Variants in CDC42BPB observed in about 807,000 individuals in gnomAD.
CDC42BPB encodes the protein CDC42 binding protein kinase beta.
In CDC42BPB, 37 loss-of-function variants were observed where a neutral mutation model predicts 214.9. That is an observed-to-expected ratio of 0.17 (90% CI 0.13 to 0.23). The LOEUF is 0.23. Ranked by LOEUF, CDC42BPB falls within the 10% of genes least tolerant of loss-of-function variation. The pLI is 1.00. For missense variants in CDC42BPB, 1,694 were observed against 2,227.0 expected (o/e 0.76, Z 4.82); for synonymous variants, 931 against 884.0 (o/e 1.05, Z -0.94).
At chr14:102,994,430 A>G (rs1287544622) in intron 5 of CDC42BPB, among the ~76,000 whole-genome samples, 1 of 152,058 alleles carries the variant, frequency 6.6e-6, no homozygotes, top group East Asian at 1.9e-4. Flanking sequence ...ACAGAAGAGC[A>G]CTGGAGGTTC....
chr14:102,932,403 C>T lies in CDC42BPB; in HGVS notation c.*1309G>A, dbSNP rs1225643202. ...GGAACTTTAAAACTGCCGTCTTCTGCTTTATTGACAGGTAAATTGTTCAAA... is the reference window on the plus strand; with the variant it reads ...GGAACTTTAAAACTGCCGTCTTCTGTTTTATTGACAGGTAAATTGTTCAAA... On this transcript the variant is annotated 3_prime_UTR_variant, in exon 37 of 37. Transcript: ENST00000361246. 1 of 152,304 alleles carries T rather than the reference C, an allele frequency of 6.6e-6. No individual in the cohort carries two copies. The highest frequency in any genetic ancestry group is 1.5e-5 in the Non-Finnish European group (1 of 68,038). The allele number at this position is 152,304 out of a possible 1,614,324, so 9.4% of individuals were successfully genotyped here. A position where few individuals can be genotyped will look rare whatever the true frequency, so the allele number is the denominator to read the frequency against.
intron 6 of CDC42BPB, among the ~76,000 whole-genome samples, chr14:102,984,249 G>T (rs192644865): frequency 6.6e-6 from 1 of 152,100 alleles, no homozygotes; most frequent in African/African-American, 2.4e-5. Context: ...GTGATGCAGG[G>T]GCCACATGTG....
In CDC42BPB at chr14:103,056,983, G is replaced by A; in HGVS notation, c.175+16C>T. On this transcript the variant is annotated intron_variant, in intron 1 of 36. Transcript: ENST00000361246. ...GTCGCAGAGCCGCAGGTCCGGCCCT[G>A]CCGGCGCGCACTTACCCCACTCGAG... 1 of 1,398,286 alleles carries A rather than the reference G, an allele frequency of 7.2e-7. No homozygotes were observed. Among genetic ancestry groups the A allele is most frequent in the Non-Finnish European group, 9.3e-7 (1 of 1,071,776 alleles). The allele number at this position is 1,398,286 out of a possible 1,614,324, so 86.6% of individuals were successfully genotyped here. A position where few individuals can be genotyped will look rare whatever the true frequency, so the allele number is the denominator to read the frequency against.
intron 18 of CDC42BPB, among the ~76,000 whole-genome samples, chr14:102,965,695 G>A (rs1893170150): frequency 6.6e-6 from 1 of 152,250 alleles, no homozygotes; most frequent in Non-Finnish European, 1.5e-5. Flanking sequence ...GGGGGCTCAT[G>A]CCTGTAATCC....
At chr14:102,970,808 TAC>T (rs1226740717) in intron 13 of CDC42BPB, among the ~76,000 whole-genome samples, 2 of 152,148 alleles carry the variant, frequency 1.3e-5, no homozygotes, top group African/African-American at 4.8e-5. Context: ...TGCCTGTAAC[TAC>T]AAATATATTT....
chr14:102,937,507 C>T (rs771530766), intron 36 of CDC42BPB, among the ~76,000 whole-genome samples: 1 of 152,228 alleles, frequency 6.6e-6, no homozygotes, highest in Non-Finnish European at 1.5e-5. Flanking sequence ...TGCATCCCTC[C>T]CTCCCTCCCT....
Position 102,964,513 on chromosome 14 carries a change from G to C in CDC42BPB, c.2715C>G (p.Leu905=), listed in dbSNP as rs1378255024. 1 of 1,613,548 alleles carries C rather than the reference G, an allele frequency of 6.2e-7. No individual in the cohort carries two copies. Among genetic ancestry groups the C allele is most frequent in the Non-Finnish European group, 8.5e-7 (1 of 1,179,980 alleles). ...EELRKVKDAN[L]TLESKLKDSE... The stretch of plus-strand genomic sequence containing the variant: ...CTGGCACCAAGTACCTTTCCAAGGT[G>C]AGGTTGGCGTCCTTGACCTTCCTGA... The change falls in exon 19 of 37, where the codon CTC becomes CTG. Residue 905 remains leucine (L), a synonymous_variant. Transcript: ENST00000361246.
At chr14:103,009,287 G>A (rs984599684) in intron 2 of CDC42BPB, among the ~76,000 whole-genome samples, 3 of 152,210 alleles carry the variant, frequency 2.0e-5, no homozygotes, top group Non-Finnish European at 2.9e-5. Context: ...CAGTCACATC[G>A]TAGAGTCACT....
chr14:102,934,363 T>C (rs1188435234), intron 36 of CDC42BPB, among the ~76,000 whole-genome samples: 4 of 151,964 alleles, frequency 2.6e-5, no homozygotes, highest in East Asian at 1.9e-4. Context: ...TGAAACCCCG[T>C]CTCTACTAAA....
chr14:102,983,241 A>T (rs1190169135), intron 7 of CDC42BPB, among the ~76,000 whole-genome samples: 1 of 152,142 alleles, frequency 6.6e-6, no homozygotes, highest in Non-Finnish European at 1.5e-5. Context: ...GCGTCTGTCT[A>T]CAGAAACCTG....
At position 102,975,809 on chromosome 14, in the gene CDC42BPB, GGAT is replaced by G; in HGVS notation, c.1388-9_1388-7del. ...CTGCACGGTCTGGGTGGACTCTGAG[GGAT>G]GGAGAGACAGCGTGAGGTGCAGCCT... On this transcript the variant is annotated splice_region_variant and splice_polypyrimidine_tract_variant and intron_variant, in intron 10 of 36. Transcript: ENST00000361246. 1 of 1,614,138 alleles carries G rather than the reference GGAT, an allele frequency of 6.2e-7. No individual in the cohort carries two copies. The highest frequency in any genetic ancestry group is 8.5e-7 in the Non-Finnish European group (1 of 1,180,018).
At chr14:102,942,700 G>A (rs142311259) in intron 30 of CDC42BPB, among the ~76,000 whole-genome samples, 36 of 151,954 alleles carry the variant, frequency 2.4e-4, no homozygotes, top group African/African-American at 8.0e-4. Flanking sequence ...ATGTGGCACC[G>A]TGCCTGGCTA....
chr14:103,021,590 G>T (rs955025766), intron 1 of CDC42BPB, among the ~76,000 whole-genome samples: 1 of 151,568 alleles, frequency 6.6e-6, no homozygotes, highest in Non-Finnish European at 1.5e-5. Context: ...GGCTGAGGCA[G>T]AATCGCTTGA....
At chr14:103,037,063 G>A (rs1887705489) in intron 1 of CDC42BPB, among the ~76,000 whole-genome samples, 1 of 151,752 alleles carries the variant, frequency 6.6e-6, no homozygotes, top group Admixed American at 6.6e-5. Context: ...ACCTCTTATA[G>A]GCGTGAGCCA....
chr14:103,011,106 G>A (rs545664078), intron 2 of CDC42BPB, among the ~76,000 whole-genome samples: 3 of 152,390 alleles, frequency 2.0e-5, no homozygotes, highest in African/African-American at 7.2e-5. Context: ...CGCGGCCGCT[G>A]AGGGAGCCTG....
At chr14:103,037,721 T>C (rs902485437) in intron 1 of CDC42BPB, among the ~76,000 whole-genome samples, 27 of 151,942 alleles carry the variant, frequency 1.8e-4, no homozygotes, top group Admixed American at 4.6e-4. Context: ...TCAAGAGATA[T>C]GTGGAGAGGA....
At chr14:103,041,074 G>A (rs997214479) in intron 1 of CDC42BPB, among the ~76,000 whole-genome samples, 1 of 152,144 alleles carries the variant, frequency 6.6e-6, no homozygotes, top group African/African-American at 2.4e-5. Context: ...GGCATAAGAA[G>A]AGACACATAT....
At chr14:102,946,318 C>G (rs1323639653) in intron 28 of CDC42BPB, 150 bp downstream of exon 28, 2 of 865,420 alleles carry the variant, frequency 2.3e-6, no homozygotes, top group South Asian at 1.7e-5. Flanking sequence ...CCACCGCACC[C>G]GGCCTCGTCT....
chr14:102,967,001 G>C, intron 17 of CDC42BPB, 45 bp downstream of exon 17: 4 of 1,598,044 alleles, frequency 2.5e-6, no homozygotes, highest in Non-Finnish European at 3.4e-6. Context: ...CCCATGGACT[G>C]AGCAGGGAGC....
Sources: gnomAD v4.1 joint callset for allele counts (sites outside exome capture counted in the v4.1 genomes callset) on GRCh38, gnomAD v4.1.1 for gene constraint, MANE v1.5 for transcripts, NCBI Gene and HGNC (gene_info 2026-07-23, HGNC 2026-07-21) for gene names.